The following IMMP2L variants were observed in gnomAD, a reference collection of about 807,000 sequenced individuals.
IMMP2L encodes inner mitochondrial membrane peptidase subunit 2.
IMMP2L carries 18 observed loss-of-function variants against 19.3 expected under a neutral mutation model. That is an observed-to-expected ratio of 0.93 (90% confidence interval 0.64 to 1.38). The LOEUF (loss-of-function observed/expected upper bound fraction) is 1.38. Among genes scored for constraint, IMMP2L ranks in the 40% most tolerant of loss-of-function variants. The pLI is 0.00. For missense variants in IMMP2L, 233 were observed against 218.2 expected (o/e 1.07, Z -0.43); for synonymous variants, 76 against 73.0 (o/e 1.04, Z -0.21).
intron 3 of IMMP2L, among the ~76,000 whole-genome samples, chr7:111,147,015 A>G (rs1471134041): frequency 6.6e-6 from 1 of 152,058 alleles, no homozygotes; most frequent in South Asian, 2.1e-4. Flanking sequence ...GAGCTCTTCT[A>G]TTTAGTTTTC....
At position 111,123,353 on chromosome 7, in the gene IMMP2L, T is replaced by C. The variant is rs146578143; in HGVS notation, c.240-159788A>G. 7.4e-6 allele frequency: 12 copies of C among 1,613,868 alleles called. No homozygotes were observed. Among genetic ancestry groups the C allele is most frequent in the East Asian group, 2.2e-5 (1 of 44,858 alleles). On this transcript the variant is annotated intron_variant, in intron 3 of 5. Coordinates refer to ENST00000405709, the MANE Select transcript of IMMP2L (RefSeq NM_032549.4). This position sits in a 1 kb window ranked among gnomAD's most constrained non-coding sequence, Gnocchi z 6.4. Reference sequence around the variant, plus strand: ...GCTCTTCCAAATCTAGAGATTCTGATGATTGGGGAAAATCCAATTATCAGA... The same window carrying C: ...GCTCTTCCAAATCTAGAGATTCTGACGATTGGGGAAAATCCAATTATCAGA...
intron 3 of IMMP2L, among the ~76,000 whole-genome samples, chr7:111,072,054 C>G (rs1795001182): frequency 6.6e-6 from 1 of 151,794 alleles, no homozygotes; most frequent in Middle Eastern, 3.4e-3. Context: ...TTAAGAATCA[C>G]AATAAATAAT....
chr7:110,951,925 T>A (rs577241944), intron 4 of IMMP2L, among the ~76,000 whole-genome samples: 9 of 152,116 alleles, frequency 5.9e-5, no homozygotes, highest in Non-Finnish European at 1.2e-4. Flanking sequence ...CAACGTTAAG[T>A]TAAACAAGGT....
At chr7:111,107,398 G>A (rs999056536) in intron 3 of IMMP2L, among the ~76,000 whole-genome samples, 24 of 151,958 alleles carry the variant, frequency 1.6e-4, no homozygotes, top group Admixed American at 1.4e-3. Context: ...AGTCACAGGG[G>A]AATATGGGCA....
intron 3 of IMMP2L, among the ~76,000 whole-genome samples, chr7:111,445,896 A>C (rs1838328477): frequency 6.6e-6 from 1 of 152,136 alleles, no homozygotes; most frequent in African/African-American, 2.4e-5. Context: ...CTCACCTGGG[A>C]AGCGCAAGGG....
At chr7:110,874,540 T>C (rs1167611824) in intron 5 of IMMP2L, among the ~76,000 whole-genome samples, 2 of 152,058 alleles carry the variant, frequency 1.3e-5, no homozygotes, top group Admixed American at 6.6e-5. Flanking sequence ...CATATAATAG[T>C]AGGAAGATTT....
At chr7:111,328,464 T>G (rs1032686217) in intron 3 of IMMP2L, among the ~76,000 whole-genome samples, 1 of 151,708 alleles carries the variant, frequency 6.6e-6, no homozygotes, top group South Asian at 2.1e-4. Flanking sequence ...GGTACAAAAA[T>G]TATTTCAGGG....
intron 3 of IMMP2L, among the ~76,000 whole-genome samples, chr7:111,057,091 G>C (rs150161966): frequency 6.6e-6 from 1 of 151,838 alleles, no homozygotes; most frequent in East Asian, 1.9e-4. Context: ...ATTCTTTTTT[G>C]AGTTCATAAA....
chr7:110,876,618 T>C (rs1199584943), intron 5 of IMMP2L, among the ~76,000 whole-genome samples: 1 of 152,142 alleles, frequency 6.6e-6, no homozygotes, highest in Non-Finnish European at 1.5e-5. Flanking sequence ...GAGCAGAATC[T>C]AACAGACATC....
At chr7:111,448,276 C>T (rs1354766719) in intron 3 of IMMP2L, among the ~76,000 whole-genome samples, 1 of 127,906 alleles carries the variant, frequency 7.8e-6, no homozygotes, top group African/African-American at 3.3e-5. Flanking sequence ...CACCACACCA[C>T]ACCTATTCCA....
intron 3 of IMMP2L, among the ~76,000 whole-genome samples, chr7:111,410,832 T>G (rs1404358163): frequency 1.3e-5 from 2 of 151,656 alleles, no homozygotes; most frequent in East Asian, 3.8e-4. Context: ...CATAGCAACA[T>G]AAATTATTTT....
chr7:111,310,974 C>A (rs1584563155), intron 3 of IMMP2L, among the ~76,000 whole-genome samples: 1 of 152,128 alleles, frequency 6.6e-6, no homozygotes, highest in East Asian at 1.9e-4. Flanking sequence ...TGAGTATGTG[C>A]TAAAAATCTC....
intron 3 of IMMP2L, among the ~76,000 whole-genome samples, chr7:111,234,853 T>A (rs1275799255): frequency 7.2e-5 from 11 of 152,040 alleles, no homozygotes; most frequent in Admixed American, 6.6e-4. Flanking sequence ...CATTTCCCCC[T>A]CTCCCAGCCT....
chr7:111,277,242 C>T (rs1160499476), intron 3 of IMMP2L, among the ~76,000 whole-genome samples: 1 of 151,862 alleles, frequency 6.6e-6, no homozygotes, highest in Non-Finnish European at 1.5e-5. Flanking sequence ...CTACAACGAA[C>T]TCAAACAACT....
intron 4 of IMMP2L, among the ~76,000 whole-genome samples, chr7:110,918,531 C>T (rs939116719): frequency 6.7e-6 from 1 of 150,170 alleles, no homozygotes; most frequent in African/African-American, 2.5e-5. Context: ...TCTCGGCTCA[C>T]TGCAACCTCT....
At chr7:111,179,082 C>A (rs1173213018) in intron 3 of IMMP2L, among the ~76,000 whole-genome samples, 5 of 151,968 alleles carry the variant, frequency 3.3e-5, no homozygotes, top group Non-Finnish European at 5.9e-5. Flanking sequence ...CTCTTTGATT[C>A]ATGGTCTGCA....
At position 111,542,393 on chromosome 7, in the gene IMMP2L, C is replaced by T. The variant is rs144520696; in HGVS notation, c.-3+19458G>A. 1.1e-4 allele frequency among the ~76,000 whole-genome samples: 16 copies of T among 151,984 alleles called. No individual in the cohort carries two copies. In the East Asian group the frequency reaches 2.3e-3, roughly 22 times the overall value. On this transcript the variant is annotated intron_variant, in intron 1 of 5. Coordinates refer to ENST00000405709, the MANE Select transcript of IMMP2L (RefSeq NM_032549.4). Reference sequence around the variant, plus strand: ...TACTGAAAATTGTTATTTTAATTACCTCATTTAATCTCTACATTAACCTTA... The same window carrying T: ...TACTGAAAATTGTTATTTTAATTACTTCATTTAATCTCTACATTAACCTTA...
intron 3 of IMMP2L, among the ~76,000 whole-genome samples, chr7:111,222,890 C>T (rs952859134): frequency 6.6e-6 from 1 of 151,772 alleles, no homozygotes; most frequent in African/African-American, 2.4e-5. Flanking sequence ...GTCCTGATAT[C>T]GGTACATATA....
At chr7:110,675,406 C>T (rs985523190) in intron 5 of IMMP2L, among the ~76,000 whole-genome samples, 2 of 152,146 alleles carry the variant, frequency 1.3e-5, no homozygotes, top group Non-Finnish European at 2.9e-5. Flanking sequence ...TTTTCTCCCC[C>T]CAAATGCAAC....
Sources: gnomAD v4.1 joint callset for allele counts (sites outside exome capture counted in the v4.1 genomes callset) on GRCh38, gnomAD v4.1.1 for gene constraint, Gnocchi (gnomAD v3.1) non-coding constraint, MANE v1.5 for transcripts, NCBI Gene and HGNC (gene_info 2026-07-23, HGNC 2026-07-21) for gene names.